Variants in SLC35D1 observed in about 807,000 individuals in gnomAD.
SLC35D1 encodes nucleotide sugar transporter SLC35D1.
SLC35D1 carries 31 observed loss-of-function variants against 46.7 expected under a neutral mutation model. The observed-to-expected ratio is 0.66, with a 90% CI of 0.50 to 0.90. SLC35D1 has a LOEUF of 0.90. SLC35D1 is among the 40% of genes least tolerant of loss of function. The pLI is 0.00. For missense variants in SLC35D1, 397 were observed against 426.2 expected (o/e 0.93, Z 0.60); for synonymous variants, 195 against 164.6 (o/e 1.18, Z -1.41).
chr1:67,027,859 G>A (rs1667944176), intron 8 of SLC35D1, among the ~76,000 whole-genome samples: 3 of 151,994 alleles, frequency 2.0e-5, no homozygotes, highest in South Asian at 4.2e-4. Context: ...AGTATCCCAC[G>A]TAGCTAGGAT....
chr1:66,981,475 A>G, the SLC35D1 span, among the ~76,000 whole-genome samples: 1 of 152,204 alleles, frequency 6.6e-6, no homozygotes, highest in Non-Finnish European at 1.5e-5. Flanking sequence ...CACTTCAGTT[A>G]AGAGATCTTC....
chr1:66,995,274 A>G (rs927372130), downstream of SLC35D1, among the ~76,000 whole-genome samples: 1 of 151,752 alleles, frequency 6.6e-6, no homozygotes, highest in Non-Finnish European at 1.5e-5. Flanking sequence ...TTGAGCAGGT[A>G]TGTACCCCAA....
At chr1:66,976,734 T>A in the SLC35D1 span, 2 of 1,570,684 alleles carry the variant, frequency 1.3e-6, no homozygotes, top group Non-Finnish European at 1.7e-6. Flanking sequence ...TGAGTTAATT[T>A]TTTCCTTAAG....
At position 67,050,511 on chromosome 1, in the gene SLC35D1, A is replaced by T. The variant is rs759559595; in HGVS notation, c.393-7T>A. ...AACTGTAAACATTGGCAAGCTGGAA[A>T]AAAAAAAGATAATTAGGTAAAATAG... On this transcript the variant is annotated splice_region_variant and splice_polypyrimidine_tract_variant and intron_variant, in intron 4 of 11. Transcript: ENST00000235345. 16 of 1,610,142 alleles carry T rather than the reference A, an allele frequency of 9.9e-6. No homozygotes were observed. The highest frequency in any genetic ancestry group is 1.7e-4 in the Middle Eastern group (1 of 5,958).
chr1:67,033,286 T>A (rs1668055316), intron 8 of SLC35D1, among the ~76,000 whole-genome samples: 1 of 152,222 alleles, frequency 6.6e-6, no homozygotes, highest in African/African-American at 2.4e-5. Flanking sequence ...TATTTTTAGT[T>A]TTTTGAGGAA....
At chr1:66,986,385 C>A in the SLC35D1 span, 13 of 1,608,178 alleles carry the variant, frequency 8.1e-6, no homozygotes, top group Non-Finnish European at 1.1e-5. Context: ...ATTAATTATT[C>A]TTGTTTTTCT....
At chr1:67,006,871 T>C (rs1667461337) in intron 11 of SLC35D1, among the ~76,000 whole-genome samples, 1 of 152,186 alleles carries the variant, frequency 6.6e-6, no homozygotes, top group African/African-American at 2.4e-5. Flanking sequence ...CAAAGAACAT[T>C]TCCTTTGATC....
At chr1:67,020,816 C>T (rs1667782112) in intron 9 of SLC35D1, among the ~76,000 whole-genome samples, 1 of 152,164 alleles carries the variant, frequency 6.6e-6, no homozygotes, top group African/African-American at 2.4e-5. Context: ...AACATGTCCT[C>T]TGGGCCAGAC....
chr1:67,022,413 T>C (rs1667825625), intron 8 of SLC35D1, among the ~76,000 whole-genome samples: 1 of 152,208 alleles, frequency 6.6e-6, no homozygotes, highest in Admixed American at 6.5e-5. Context: ...ATACACTTTC[T>C]TACTTGCATG....
Position 67,041,618 on chromosome 1 carries a change from G to A in SLC35D1, c.729+618C>T, listed in dbSNP as rs138990120. 6.4e-3 allele frequency among the ~76,000 whole-genome samples: 970 copies of A among 152,200 alleles called. 9 individuals are homozygous for A. The highest frequency in any genetic ancestry group is 0.022 in the African/African-American group (904 of 41,542). ...AATTCTGACAATATGTTATCAATTT[G>A]TCTCCTACACGGGCTTGTTTTAAAG... On this transcript the variant is annotated intron_variant, in intron 8 of 11. Transcript: ENST00000235345.
intron 8 of SLC35D1, among the ~76,000 whole-genome samples, chr1:67,036,358 A>G (rs1668122993): frequency 6.6e-6 from 1 of 152,026 alleles, no homozygotes; most frequent in South Asian, 2.1e-4. Flanking sequence ...ATATCGGTGC[A>G]TTCTTGCATC....
Position 67,054,075 on chromosome 1 carries a change from G to A in SLC35D1, c.-62C>T. 1.9e-6 allele frequency: 3 copies of A among 1,545,992 alleles called. No individual in the cohort carries two copies. Among genetic ancestry groups the A allele is most frequent in the African/African-American group, 1.4e-5 (1 of 72,928 alleles). On this transcript the variant is annotated 5_prime_UTR_variant, in exon 1 of 12. Coordinates refer to ENST00000235345, the MANE Select transcript of SLC35D1 (RefSeq NM_015139.3). Reference sequence around the variant, plus strand: ...AGCGGCTCGGGGGCCTGCAGCGGCAGCTCCCAGGGGACTCCAGGAGTTGGG... The same window carrying A: ...AGCGGCTCGGGGGCCTGCAGCGGCAACTCCCAGGGGACTCCAGGAGTTGGG...
chr1:67,030,310 C>A (rs1051099761), intron 8 of SLC35D1, among the ~76,000 whole-genome samples: 8 of 152,144 alleles, frequency 5.3e-5, no homozygotes, highest in South Asian at 2.1e-4. Context: ...GAAATCTCAG[C>A]CCTAAAACCT....
In SLC35D1 at chr1:67,053,541, T is replaced by G. The variant is rs1181965507; in HGVS notation, c.203+270A>C. On this transcript the variant is annotated intron_variant, in intron 1 of 11. Transcript: ENST00000235345. ...TCCATCTCTCTGAAGGGCAGGGTTTTCGGGGCGGTGCGCCCAGGGCATGGC... is the reference window on the plus strand; with the variant it reads ...TCCATCTCTCTGAAGGGCAGGGTTTGCGGGGCGGTGCGCCCAGGGCATGGC... 2.6e-5 allele frequency among the ~76,000 whole-genome samples: 4 copies of G among 152,168 alleles called. No individual in the cohort carries two copies. The East Asian group carries it at 7.8e-4, about 30-fold the overall frequency.
At position 67,021,724 on chromosome 1, in the gene SLC35D1, GACACAC is replaced by G. The variant is rs35069681; in HGVS notation, c.730-128_730-123del. ...AGACACAGACACAGACACAGACACA[GACACAC>G]ACACACACACACACACACACACACA... On this transcript the variant is annotated intron_variant, in intron 8 of 11. Coordinates refer to ENST00000235345, the MANE Select transcript of SLC35D1 (RefSeq NM_015139.3). 975 of 422,654 alleles carry G rather than the reference GACACAC, an allele frequency of 2.3e-3. 3 individuals are homozygous for G. Among genetic ancestry groups the G allele is most frequent in the African/African-American group, 0.015 (467 of 31,606 alleles). The allele number at this position is 422,654 out of a possible 1,614,324, so 26.2% of individuals were successfully genotyped here.
intron 7 of SLC35D1, among the ~76,000 whole-genome samples, chr1:67,043,006 T>C (rs563206656): frequency 1.3e-5 from 2 of 152,214 alleles, no homozygotes; most frequent in African/African-American, 4.8e-5. Flanking sequence ...AAGACCAGCC[T>C]GGCCAACATA....
At chr1:67,018,617 G>A (rs926473111) in intron 10 of SLC35D1, among the ~76,000 whole-genome samples, 2 of 152,154 alleles carry the variant, frequency 1.3e-5, no homozygotes, top group African/African-American at 4.8e-5. Flanking sequence ...TAGAGATTCT[G>A]ACTGAGTCTA....
intron 9 of SLC35D1, 76 bp downstream of exon 9, chr1:67,021,459 G>T: frequency 6.9e-7 from 1 of 1,452,674 alleles, no homozygotes; most frequent in Non-Finnish European, 9.7e-7. Flanking sequence ...TAAAGATATT[G>T]AGAAAAGAGG....
intron 8 of SLC35D1, among the ~76,000 whole-genome samples, chr1:67,032,536 C>G (rs888336717): frequency 4.6e-5 from 7 of 151,982 alleles, no homozygotes; most frequent in South Asian, 2.1e-4. Context: ...CAAAAATTAG[C>G]TGGGCGTGGT....
Sources: gnomAD v4.1 joint callset for allele counts (sites outside exome capture counted in the v4.1 genomes callset) on GRCh38, gnomAD v4.1.1 for gene constraint, MANE v1.5 for transcripts, NCBI Gene and HGNC (gene_info 2026-07-23, HGNC 2026-07-21) for gene names.